The following NLRP5 variants were observed in gnomAD, a reference collection of about 807,000 sequenced individuals.
NLRP5 encodes the protein NLR family pyrin domain containing 5.
Under a neutral mutation model 113.1 loss-of-function variants are expected in NLRP5, and 93 were observed. The ratio of observed to expected loss-of-function variants is 0.82; its 90% CI spans 0.70 to 0.98. The LOEUF is 0.98. NLRP5 is among the 50% of genes least tolerant of loss of function. NLRP5 has a pLI of 0.00. For synonymous variants in NLRP5, 751 were observed against 600.7 expected, an observed-to-expected ratio of 1.25 and a Z score of -3.66; for missense variants, 1,808 against 1,514.3, an observed-to-expected ratio of 1.19 and a Z score of -3.22.
At chr19:56,037,001 T>C (rs1287764171) in intron 9 of NLRP5, among the ~76,000 whole-genome samples, 6 of 152,188 alleles carry the variant, frequency 3.9e-5, no homozygotes, top group Non-Finnish European at 7.4e-5. Flanking sequence ...ATCTCTGCCC[T>C]AGCCAGGTAC....
At chr19:56,043,576 T>G (rs377293307) in intron 11 of NLRP5, among the ~76,000 whole-genome samples, 3 of 41,072 alleles carry the variant, frequency 7.3e-5, no homozygotes, top group Non-Finnish European at 1.8e-4. Flanking sequence ...TTTTTTTTTT[T>G]TTTTTTTGAG....
rs146196473 is a variant in NLRP5 at position 56,008,704 on chromosome 19, T to A, written c.443-84T>A. On this transcript the variant is annotated intron_variant, in intron 2 of 14. Coordinates refer to ENST00000390649, the MANE Select transcript of NLRP5 (RefSeq NM_153447.4). ...GTTTGTCTTGGTTCCCCTCCATAAT[T>A]TGGACACGGGACATTCTTATCCTTG... 4,790 of 1,218,258 alleles carry A rather than the reference T, an allele frequency of 3.9e-3. 17 individuals are homozygous for A. The highest frequency in any genetic ancestry group is 7.9e-3 in the Admixed American group (395 of 50,178). 75.5% of individuals were successfully genotyped at this position (1,218,258 alleles called of 1,614,324 possible). A position where few individuals can be genotyped will look rare whatever the true frequency, so the allele number is the denominator to read the frequency against.
At chr19:55,995,208 C>A (rs1032202553), upstream of NLRP5, among the ~76,000 whole-genome samples, 1 of 152,046 alleles carries the variant, frequency 6.6e-6, no homozygotes, top group Admixed American at 6.6e-5. Context: ...GGGGCCTGTC[C>A]TAGGGTGTGG....
chr19:56,040,888 T>C (rs1233108119), intron 10 of NLRP5, 34 bp from the exon 11 acceptor site: 2 of 1,584,736 alleles, frequency 1.3e-6, no homozygotes, highest in Non-Finnish European at 1.7e-6. Flanking sequence ...AGAAGGCATC[T>C]CATCATGTCC....
intron 7 of NLRP5, among the ~76,000 whole-genome samples, 195 bp from the exon 8 acceptor site, chr19:56,032,416 C>T (rs1599896834): frequency 1.3e-5 from 2 of 151,862 alleles, no homozygotes; most frequent in African/African-American, 2.4e-5. Flanking sequence ...CCTCGGGTAT[C>T]GGTATATCCG....
intron 13 of NLRP5, among the ~76,000 whole-genome samples, chr19:56,056,225 A>C (rs558474925): frequency 6.6e-6 from 1 of 152,136 alleles, no homozygotes; most frequent in Admixed American, 6.6e-5. Context: ...CAAGAAGCCA[A>C]CTATGATCTG....
At chr19:56,004,226 CCTATTGG>C in intron 2 of NLRP5, 131 bp downstream of exon 2, 18 of 974,260 alleles carry the variant, frequency 1.8e-5, no homozygotes, top group Admixed American at 2.6e-5. Flanking sequence ...TGAGAAGGAT[CCTATTGG>C]TCATCGTCAT....
upstream of NLRP5, among the ~76,000 whole-genome samples, chr19:55,996,546 C>G (rs1202787426): frequency 6.6e-6 from 1 of 152,088 alleles, no homozygotes; most frequent in Non-Finnish European, 1.5e-5. Flanking sequence ...TTCAAGTGTT[C>G]TCATTGTTCA....
chr19:56,006,423 A>G (rs1339087964), intron 2 of NLRP5, among the ~76,000 whole-genome samples: 3 of 149,930 alleles, frequency 2.0e-5, no homozygotes, highest in African/African-American at 7.5e-5. Flanking sequence ...TTAAAGTATA[A>G]TTTTAAAAAA....
chr19:56,027,183 T>C lies in NLRP5; in HGVS notation c.950T>C (p.Phe317Ser), dbSNP rs1959653946. ...TACCAGGGAATGTTCTCCTACGTCT[T>C]CTTCCTCCCCGTTAGAGAGATGCAG... The change falls in exon 7 of 15, where the codon TTC becomes TCC. Residue 317 changes from phenylalanine to serine, a missense_variant. Phe to Ser is a radical substitution (Grantham distance 155). Transcript: ENST00000390649. 1 of 1,609,000 alleles carries C rather than the reference T, an allele frequency of 6.2e-7. No individual in the cohort carries two copies. Among genetic ancestry groups the C allele is most frequent in the Non-Finnish European group, 8.5e-7 (1 of 1,177,764 alleles).
At chr19:56,026,051 A>G (rs955830561) in intron 6 of NLRP5, among the ~76,000 whole-genome samples, 2 of 152,154 alleles carry the variant, frequency 1.3e-5, no homozygotes, top group African/African-American at 2.4e-5. Context: ...ATCGGGTTGA[A>G]CAAGGGAAGC....
chr19:56,003,912 A>C lies in NLRP5; in HGVS notation c.259A>C (p.Lys87Gln). 6.2e-7 allele frequency: 1 copy of C among 1,614,048 alleles called. No homozygotes were observed. The highest frequency in any genetic ancestry group is 1.1e-5 in the South Asian group (1 of 91,088). The stretch of plus-strand genomic sequence containing the variant: ...GACATTCAAGGAATTACTAAAGAAG[A>C]AATCTTCAGAATCGACCACATGCTC... The change falls in exon 2 of 15, where the codon AAA becomes CAA. Residue 87 changes from lysine to glutamine, a missense_variant. By Grantham distance (53) the Lys-to-Gln change is moderately conservative. Transcript: ENST00000390649.
chr19:56,054,639 A>C (rs1435395356), intron 13 of NLRP5, among the ~76,000 whole-genome samples: 1 of 152,016 alleles, frequency 6.6e-6, no homozygotes, highest in African/African-American at 2.4e-5. Context: ...TGCTGAGTGA[A>C]AGAAGCCAGC....
chr19:56,056,565 A>G (rs1184886609), intron 13 of NLRP5, among the ~76,000 whole-genome samples: 1 of 151,762 alleles, frequency 6.6e-6, no homozygotes, highest in African/African-American at 2.4e-5. Flanking sequence ...TCTAAAAAAC[A>G]AAAGCATCCC....
intron 13 of NLRP5, among the ~76,000 whole-genome samples, chr19:56,055,538 T>A (rs1410737958): frequency 9.2e-5 from 1 of 10,886 alleles, no homozygotes; most frequent in African/African-American, 1.9e-4. Context: ...TTTCTCTGTC[T>A]TTTTTTTTTT....
chr19:55,993,802 A>G, the NLRP5 span, among the ~76,000 whole-genome samples: 2 of 151,188 alleles, frequency 1.3e-5, no homozygotes, highest in African/African-American at 4.9e-5. Context: ...CTACAGGCTC[A>G]TCTGTGTTGT....
chr19:56,005,216 CATAT>C (rs901228230), intron 2 of NLRP5, among the ~76,000 whole-genome samples: 1 of 143,050 alleles, frequency 7.0e-6, no homozygotes, highest in Non-Finnish European at 1.5e-5. Flanking sequence ...CACATACACA[CATAT>C]ACACATATAT....
chr19:56,029,664 G>A lies in NLRP5; in HGVS notation c.2276+1155G>A, dbSNP rs377721021. 1.1e-4 allele frequency among the ~76,000 whole-genome samples: 17 copies of A among 152,300 alleles called. No homozygotes were observed. In the South Asian group the frequency reaches 2.1e-3, roughly 19 times the overall value. ...GACTGTCTCAGTGTCATCCTCCTAT[G>A]ACCCAGAACACAGCAGTGACGAATG... On this transcript the variant is annotated intron_variant, in intron 7 of 14. Coordinates refer to ENST00000390649, the MANE Select transcript of NLRP5 (RefSeq NM_153447.4).
chr19:56,023,085 G>A (rs1260064819), intron 6 of NLRP5, among the ~76,000 whole-genome samples: 4 of 152,306 alleles, frequency 2.6e-5, no homozygotes, highest in South Asian at 4.1e-4. Context: ...TTAAAGGGGC[G>A]AGTTAGACAC....
Sources: gnomAD v4.1 joint callset for allele counts (sites outside exome capture counted in the v4.1 genomes callset) on GRCh38, gnomAD v4.1.1 for gene constraint, MANE v1.5 for transcripts, NCBI Gene and HGNC (gene_info 2026-07-23, HGNC 2026-07-21) for gene names.